The following RBFOX1 variants were observed in gnomAD, a reference collection of about 807,000 sequenced individuals.
RBFOX1 encodes RNA binding protein fox-1 homolog 1.
Under a neutral mutation model 57.7 loss-of-function variants are expected in RBFOX1, and 8 were observed. The ratio of observed to expected loss-of-function variants is 0.14; its 90% CI spans 0.08 to 0.25. The LOEUF (loss-of-function observed/expected upper bound fraction) is 0.25, where lower values mean the gene tolerates loss of function less well. RBFOX1 is among the 10% of genes least tolerant of loss of function. The pLI, the probability that RBFOX1 is intolerant of heterozygous loss-of-function variation, is 1.00. For missense variants in RBFOX1, 611 were observed against 548.5 expected, an observed-to-expected ratio of 1.11 and a Z score of -1.14; for synonymous variants, 326 against 222.4, an observed-to-expected ratio of 1.47 and a Z score of -4.15.
intron 3 of RBFOX1, among the ~76,000 whole-genome samples, chr16:6,732,308 C>G (rs142865361): frequency 6.8e-4 from 104 of 152,306 alleles, no homozygotes; most frequent in Middle Eastern, 3.4e-3. Flanking sequence ...TTCACCGTCT[C>G]GGCCCCAGGC....
intron 2 of RBFOX1, among the ~76,000 whole-genome samples, chr16:6,542,995 TTCC>T (rs2096844859): frequency 6.6e-6 from 1 of 152,120 alleles, no homozygotes; most frequent in African/African-American, 2.4e-5. Flanking sequence ...CTCTTTATCA[TTCC>T]TCCTCCTCTC....
chr16:6,504,702 C>T (rs949576681), intron 2 of RBFOX1, among the ~76,000 whole-genome samples: 1 of 152,176 alleles, frequency 6.6e-6, no homozygotes, highest in African/African-American at 2.4e-5. Context: ...GAATTGCATA[C>T]TTGCAAGCTT....
chr16:6,607,602 CCTCT>C (rs1157085011), intron 2 of RBFOX1, among the ~76,000 whole-genome samples: 1 of 151,220 alleles, frequency 6.6e-6, no homozygotes, highest in Non-Finnish European at 1.5e-5. Flanking sequence ...CTCTCTCTCT[CCTCT>C]CTCTTTCTCT....
At chr16:5,522,909 A>C (rs1414796766) in intron 2 of RBFOX1, among the ~76,000 whole-genome samples, 1 of 152,206 alleles carries the variant, frequency 6.6e-6, no homozygotes, top group Non-Finnish European at 1.5e-5. Flanking sequence ...TCCATCGTGT[A>C]TCTATATCAC....
At chr16:5,267,009 A>G (rs1229927035) in intron 1 of RBFOX1, among the ~76,000 whole-genome samples, 1 of 151,954 alleles carries the variant, frequency 6.6e-6, no homozygotes, top group Non-Finnish European at 1.5e-5. Context: ...CCTTAATTTG[A>G]ACTACTCTGA....
chr16:6,314,934 A>C (rs4786095), intron 1 of RBFOX1, among the ~76,000 whole-genome samples: 48,388 of 152,100 alleles, frequency 0.32, 8,178 homozygotes, highest in Middle Eastern at 0.41. Context: ...TTACGATGTC[A>C]GCTCCGTTGC....
chr16:7,436,958 G>A (rs915634930), intron 4 of RBFOX1, among the ~76,000 whole-genome samples: 3 of 152,184 alleles, frequency 2.0e-5, no homozygotes, highest in Admixed American at 2.0e-4. Flanking sequence ...ATACGCGCCT[G>A]TAATCCGAGC....
intron 4 of RBFOX1, among the ~76,000 whole-genome samples, chr16:5,885,332 A>C (rs1483320349): frequency 2.6e-5 from 4 of 152,040 alleles, no homozygotes; most frequent in Non-Finnish European, 5.9e-5. Context: ...AAAAAAAAAA[A>C]AAAAACTCCA....
At chr16:5,965,828 A>G (rs1376860876) in intron 4 of RBFOX1, among the ~76,000 whole-genome samples, 3 of 152,112 alleles carry the variant, frequency 2.0e-5, no homozygotes, top group Non-Finnish European at 4.4e-5. Context: ...TGGAGAGTTC[A>G]GTGGGTGGAT....
intron 2 of RBFOX1, among the ~76,000 whole-genome samples, chr16:6,613,091 G>A (rs1169641500): frequency 6.6e-6 from 1 of 151,650 alleles, no homozygotes; most frequent in Non-Finnish European, 1.5e-5. Context: ...CTGTGGTACA[G>A]GAACTGTCAG....
intron 1 of RBFOX1, among the ~76,000 whole-genome samples, chr16:6,075,270 A>G (rs376031223): frequency 7.2e-5 from 11 of 152,352 alleles, no homozygotes; most frequent in African/African-American, 2.4e-4. Context: ...GCTTTGAGAA[A>G]TAAGATCACC....
chr16:6,801,205 AAAAAAAAAAAAAGT>A (rs2085359339), intron 3 of RBFOX1, among the ~76,000 whole-genome samples: 1 of 151,664 alleles, frequency 6.6e-6, no homozygotes, highest in Non-Finnish European at 1.5e-5. Context: ...CATGCAAAAA[AAAAAAAAAAAAAGT>A]AACGTTACAT....
At chr16:6,991,631 G>C (rs2091470723) in intron 3 of RBFOX1, among the ~76,000 whole-genome samples, 1 of 152,048 alleles carries the variant, frequency 6.6e-6, no homozygotes, top group Admixed American at 6.6e-5. Context: ...CCACCTCCCA[G>C]GCTCAAGCCA....
chr16:7,347,780 A>G (rs1245826940), intron 4 of RBFOX1, among the ~76,000 whole-genome samples: 2 of 152,112 alleles, frequency 1.3e-5, no homozygotes, highest in Admixed American at 1.3e-4. Context: ...CGAGACCCCC[A>G]TGTATTTGCA....
chr16:7,184,246 G>C (rs2083282596), intron 4 of RBFOX1, among the ~76,000 whole-genome samples: 1 of 152,178 alleles, frequency 6.6e-6, no homozygotes, highest in African/African-American at 2.4e-5. Flanking sequence ...TTTGCTTATA[G>C]CAAGGGGGTT....
intron 3 of RBFOX1, among the ~76,000 whole-genome samples, chr16:6,872,199 C>G (rs1354637769): frequency 6.6e-6 from 1 of 152,130 alleles, no homozygotes; most frequent in Non-Finnish European, 1.5e-5. Flanking sequence ...AACTTGTGCT[C>G]AGCACCTAGC....
chr16:7,221,310 A>T (rs889484571), intron 4 of RBFOX1, among the ~76,000 whole-genome samples: 4 of 151,934 alleles, frequency 2.6e-5, no homozygotes, highest in African/African-American at 9.7e-5. Flanking sequence ...CACAAATATT[A>T]ACTTTTGACT....
intron 2 of RBFOX1, among the ~76,000 whole-genome samples, chr16:6,592,246 T>C (rs1215038407): frequency 6.6e-6 from 1 of 152,206 alleles, no homozygotes; most frequent in East Asian, 1.9e-4. Context: ...CTTTCTTTTG[T>C]GTGGTACTAG....
chr16:6,873,684 T>G (rs1396640675), intron 3 of RBFOX1, among the ~76,000 whole-genome samples: 3 of 152,212 alleles, frequency 2.0e-5, no homozygotes, highest in Non-Finnish European at 4.4e-5. Flanking sequence ...TGTGAGTATT[T>G]ATGGCATCAT....
Sources: gnomAD v4.1 joint callset for allele counts (sites outside exome capture counted in the v4.1 genomes callset) on GRCh38, gnomAD v4.1.1 for gene constraint, MANE v1.5 for transcripts, NCBI Gene and HGNC (gene_info 2026-07-23, HGNC 2026-07-21) for gene names.